Variants in IL5RA observed in about 807,000 individuals in gnomAD.
IL5RA encodes interleukin 5 receptor subunit alpha.
IL5RA carries 49 observed loss-of-function variants against 50.0 expected under a neutral mutation model. The ratio of observed to expected loss-of-function variants is 0.98; its 90% CI spans 0.78 to 1.24. The LOEUF (loss-of-function observed/expected upper bound fraction) is 1.24, where lower values mean the gene tolerates loss of function less well. Among genes scored for constraint, IL5RA ranks in the 50% most tolerant of loss-of-function variants. The probability of loss-of-function intolerance (pLI) is 0.00; values close to 1 mark genes in which losing one functional copy is unlikely to be tolerated. For synonymous variants in IL5RA, 202 were observed against 174.0 expected, an observed-to-expected ratio of 1.16 and a Z score of -1.26; for missense variants, 600 against 500.4, an observed-to-expected ratio of 1.20 and a Z score of -1.90.
chr3:3,100,055 C>T (rs1399682061), intron 5 of IL5RA, among the ~76,000 whole-genome samples: 1 of 152,182 alleles, frequency 6.6e-6, no homozygotes, highest in African/African-American at 2.4e-5. Flanking sequence ...TCATTTCAAC[C>T]TCTCGTTGCT....
chr3:3,073,576 A>G (rs1487820669), intron 11 of IL5RA, among the ~76,000 whole-genome samples: 1 of 152,234 alleles, frequency 6.6e-6, no homozygotes, highest in African/African-American at 2.4e-5. Context: ...GATCTAAATA[A>G]CCGTTCACCT....
In IL5RA at chr3:3,074,807, T is replaced by A. The variant is rs1574975381; in HGVS notation, c.1151A>T (p.Asp384Val). 1.2e-6 allele frequency: 2 copies of A among 1,607,240 alleles called. No individual in the cohort carries two copies. Among genetic ancestry groups the A allele is most frequent in the Non-Finnish European group, 1.7e-6 (2 of 1,173,754 alleles). ...CTCATAGTTAGTGGTTACAAAGAGA[T>A]CTTTGATATTACTTTTTGGTGCTGG... ...PIPAPKSNIK[D>V]LFVTTNYEKA... The change falls in exon 11 of 12, where the codon GAT becomes GTT. Residue 384 changes from aspartate (D) to valine (V), a missense_variant. Physicochemically the swap from Asp to Val is radical, Grantham distance 152. Coordinates refer to ENST00000446632, the MANE Select transcript of IL5RA (RefSeq NM_175726.4).
rs1486395552 is a variant in IL5RA, at chr3:3,067,923, A to G, written c.*2302T>C. The G allele has an allele frequency of 6.6e-6, 1 of 152,246 alleles. No homozygotes were observed. The highest frequency in any genetic ancestry group is 6.5e-5 in the Admixed American group (1 of 15,292). The allele number at this position is 152,246 out of a possible 1,614,324, so 9.4% of individuals were successfully genotyped here. On this transcript the variant is annotated 3_prime_UTR_variant, in exon 12 of 12. Transcript: ENST00000446632. Reference sequence around the variant, plus strand: ...CTGCTTCTGTTCCTGCCTCCTAAGCAGAGGCAGTTTCCACAATGCCAACTG... The same window carrying G: ...CTGCTTCTGTTCCTGCCTCCTAAGCGGAGGCAGTTTCCACAATGCCAACTG...
At chr3:3,072,586 C>A (rs1702339171) in intron 11 of IL5RA, among the ~76,000 whole-genome samples, 1 of 152,108 alleles carries the variant, frequency 6.6e-6, no homozygotes, top group Non-Finnish European at 1.5e-5. Context: ...TTAAGATGTT[C>A]CATTAAGAGG....
intron 9 of IL5RA, among the ~76,000 whole-genome samples, chr3:3,091,640 G>A (rs1173983053): frequency 6.6e-6 from 1 of 152,190 alleles, no homozygotes; most frequent in Non-Finnish European, 1.5e-5. Context: ...GCTGAGACAG[G>A]AGAATCGCTC....
intron 1 of IL5RA, among the ~76,000 whole-genome samples, chr3:3,109,099 G>T (rs1218064639): frequency 6.6e-6 from 1 of 152,074 alleles, no homozygotes; most frequent in East Asian, 1.9e-4. Context: ...ATTAATTTTA[G>T]GCTCAAGGGT....
At chr3:3,101,982 T>C (rs1197517616) in intron 4 of IL5RA, 152 bp from the exon 5 acceptor site, 2 of 675,226 alleles carry the variant, frequency 3.0e-6, no homozygotes, top group Non-Finnish European at 4.9e-6. Context: ...ACAAAACCAT[T>C]GTAATAACAA....
At chr3:3,093,341 G>A (rs555478294) in intron 8 of IL5RA, among the ~76,000 whole-genome samples, 4 of 152,116 alleles carry the variant, frequency 2.6e-5, no homozygotes, top group African/African-American at 9.7e-5. Flanking sequence ...TTTATTACTG[G>A]CTTGTGATGG....
intron 2 of IL5RA, among the ~76,000 whole-genome samples, chr3:3,106,939 A>G (rs957250126): frequency 2.6e-5 from 4 of 152,200 alleles, no homozygotes; most frequent in Non-Finnish European, 5.9e-5. Context: ...ATCCTTTGCA[A>G]TTAAATTGTT....
In IL5RA at chr3:3,071,745, G is replaced by A. The variant is rs1018744690; in HGVS notation, c.1177-1434C>T. Among the ~76,000 whole-genome samples the A allele has an allele frequency of 3.3e-5, 5 of 152,132 alleles. No individual in the cohort carries two copies. In the South Asian group the frequency reaches 6.2e-4, roughly 19 times the overall value. On this transcript the variant is annotated intron_variant, in intron 11 of 11. Coordinates refer to ENST00000446632, the MANE Select transcript of IL5RA (RefSeq NM_175726.4). Reference sequence around the variant, plus strand: ...TCTGAGGCTACAGGTGTGCACCACCGTGCCTGAGTAATTTTTGTATTTTTT... The same window carrying A: ...TCTGAGGCTACAGGTGTGCACCACCATGCCTGAGTAATTTTTGTATTTTTT...
chr3:3,102,790 A>C lies in IL5RA; in HGVS notation c.113T>G (p.Ile38Ser). 1 of 1,610,878 alleles carries C rather than the reference A, an allele frequency of 6.2e-7. No homozygotes were observed. Among genetic ancestry groups the C allele is most frequent in the Non-Finnish European group, 8.5e-7 (1 of 1,178,654 alleles). The change falls in exon 4 of 12, where the codon ATT becomes AGT. Residue 38 changes from isoleucine to serine, a missense_variant. Ile to Ser is a moderately radical substitution (Grantham distance 142). Transcript: ENST00000446632. ...AACTTGAGCCAAACCAGTAACTTTA[A>C]TGGTGAAATTGACAGGTGGGAGAAG... ...ISLLPPVNFT[I>S]KVTGLAQVLL... is the part of the protein sequence containing the mutation.
Position 3,067,715 on chromosome 3 carries a change from C to A in IL5RA, c.*2510G>T, listed in dbSNP as rs1448546324. The stretch of plus-strand genomic sequence containing the variant: ...CCAATCCACCAAGGAGGCCAATGGG[C>A]TACTTTGTGTTGCTCCTGAAACACA... On this transcript the variant is annotated 3_prime_UTR_variant, in exon 12 of 12. Transcript: ENST00000446632. 1.3e-5 allele frequency: 2 copies of A among 152,300 alleles called. No homozygotes were observed. Among genetic ancestry groups the A allele is most frequent in the Admixed American group, 1.3e-4 (2 of 15,282 alleles). 9.4% of individuals were successfully genotyped at this position (152,300 alleles called of 1,614,324 possible).
chr3:3,103,595 A>G (rs1286598384), intron 3 of IL5RA, among the ~76,000 whole-genome samples: 1 of 152,228 alleles, frequency 6.6e-6, no homozygotes, highest in Non-Finnish European at 1.5e-5. Flanking sequence ...GGCTTTACAG[A>G]AAGAAAAGGT....
chr3:3,082,164 T>C (rs1441064603), intron 9 of IL5RA, among the ~76,000 whole-genome samples: 1 of 152,164 alleles, frequency 6.6e-6, no homozygotes. Context: ...CCACTGAGAG[T>C]ATACATTCTT....
chr3:3,093,186 T>C (rs965180230), intron 8 of IL5RA, among the ~76,000 whole-genome samples: 1 of 152,198 alleles, frequency 6.6e-6, no homozygotes, highest in African/African-American at 2.4e-5. Context: ...GAAATCACAA[T>C]GTCAGATACA....
At chr3:3,094,997 G>A (rs956069537) in intron 8 of IL5RA, among the ~76,000 whole-genome samples, 5 of 152,162 alleles carry the variant, frequency 3.3e-5, no homozygotes, top group Non-Finnish European at 4.4e-5. Context: ...AAAGTGCTAG[G>A]ATTACAGGCG....
intron 11 of IL5RA, among the ~76,000 whole-genome samples, chr3:3,074,450 A>C (rs1214532647): frequency 1.3e-5 from 2 of 152,198 alleles, no homozygotes; most frequent in Non-Finnish European, 2.9e-5. Flanking sequence ...CCAATATGTC[A>C]GAAGAGTAAT....
At position 3,069,260 on chromosome 3, in the gene IL5RA, G is replaced by A. The variant is rs1345363192; in HGVS notation, c.*965C>T. The A allele has an allele frequency of 6.6e-6, 1 of 152,264 alleles. No individual in the cohort carries two copies. The highest frequency in any genetic ancestry group is 2.4e-5 in the African/African-American group (1 of 41,458). The allele number at this position is 152,264 out of a possible 1,614,324, so 9.4% of individuals were successfully genotyped here. A position where few individuals can be genotyped will look rare whatever the true frequency, so the allele number is the denominator to read the frequency against. ...ATCTGGATGCAGACTCATATATGAA[G>A]ATGTTAGGAAGAAGAATTTCTGTGT... On this transcript the variant is annotated 3_prime_UTR_variant, in exon 12 of 12. Transcript: ENST00000446632.
rs17878482 is a variant in IL5RA, at chr3:3,107,033, G to A, written c.-4+1517C>T. 8.9e-3 allele frequency among the ~76,000 whole-genome samples: 1,350 copies of A among 152,152 alleles called. 17 individuals are homozygous for A. Among genetic ancestry groups the A allele is most frequent in the African/African-American group, 0.031 (1,284 of 41,524 alleles). ...GAGCAAGCACTCTCCCCTAGAATTT[G>A]TCATGTATTCTGATTTTATAGCTGC... is the stretch of plus-strand genomic sequence containing the variant. On this transcript the variant is annotated intron_variant, in intron 2 of 11. Coordinates refer to ENST00000446632, the MANE Select transcript of IL5RA (RefSeq NM_175726.4).
Sources: allele counts gnomAD v4.1 joint callset (sites outside exome capture counted in the v4.1 genomes callset), GRCh38; gene constraint gnomAD v4.1.1; transcripts MANE v1.5; gene names NCBI Gene and HGNC (gene_info 2026-07-23, HGNC 2026-07-21).